DLG2: variants seen among roughly 807,000 people sequenced by gnomAD.
The protein encoded by DLG2 is discs large MAGUK scaffold protein 2, also known as disks large homolog 2.
In DLG2, 45 loss-of-function variants were observed where a neutral mutation model predicts 132.5. That is an observed-to-expected ratio of 0.34 (90% CI 0.27 to 0.44). The LOEUF (loss-of-function observed/expected upper bound fraction) is 0.44, where lower values mean the gene tolerates loss of function less well. DLG2 is among the 20% of genes least tolerant of loss of function. The pLI, the probability that DLG2 is intolerant of heterozygous loss-of-function variation, is 1.00. For missense variants in DLG2, 1,045 were observed against 1,196.9 expected (o/e 0.87, Z 1.87); for synonymous variants, 424 against 419.6 (o/e 1.01, Z -0.13).
chr11:85,042,752 T>C (rs957766141), intron 6 of DLG2, among the ~76,000 whole-genome samples: 1 of 151,946 alleles, frequency 6.6e-6, no homozygotes, highest in Non-Finnish European at 1.5e-5. Context: ...CCTTTCTGTA[T>C]ATAAAGGTTT....
intron 6 of DLG2, among the ~76,000 whole-genome samples, chr11:84,679,283 A>G (rs140259616): frequency 6.6e-6 from 1 of 152,078 alleles, no homozygotes; most frequent in South Asian, 2.1e-4. Flanking sequence ...ATATAATGAA[A>G]TATTTCACGT....
At chr11:84,949,864 A>C (rs937314379) in intron 6 of DLG2, among the ~76,000 whole-genome samples, 3 of 152,244 alleles carry the variant, frequency 2.0e-5, no homozygotes, top group Admixed American at 6.5e-5. Flanking sequence ...GATTAAATTA[A>C]AGACAGGCAT....
chr11:84,699,204 A>C (rs1337502175), intron 6 of DLG2, among the ~76,000 whole-genome samples: 1 of 151,592 alleles, frequency 6.6e-6, no homozygotes, highest in Non-Finnish European at 1.5e-5. Flanking sequence ...CATAAGGAAG[A>C]GTCAAAGAAA....
At chr11:84,591,430 G>A (rs946169125) in intron 6 of DLG2, among the ~76,000 whole-genome samples, 8 of 151,798 alleles carry the variant, frequency 5.3e-5, no homozygotes, top group Non-Finnish European at 1.0e-4. Context: ...ACTTTGGGAG[G>A]CAGAGGTGAG....
At chr11:83,784,774 T>C (rs1167662224) in intron 18 of DLG2, among the ~76,000 whole-genome samples, 1 of 152,354 alleles carries the variant, frequency 6.6e-6, no homozygotes, top group East Asian at 1.9e-4. Flanking sequence ...CAAGGTTATT[T>C]GAACACTTGA....
At chr11:84,609,095 A>G (rs1565445299) in intron 6 of DLG2, among the ~76,000 whole-genome samples, 1 of 152,122 alleles carries the variant, frequency 6.6e-6, no homozygotes, top group Admixed American at 6.6e-5. Flanking sequence ...AACACCTACC[A>G]TTTGGTTTCT....
intron 8 of DLG2, among the ~76,000 whole-genome samples, chr11:84,223,296 G>A (rs1303776936): frequency 6.6e-6 from 1 of 152,092 alleles, no homozygotes; most frequent in Admixed American, 6.6e-5. Context: ...ATAAGACATT[G>A]ATTGAGAGAG....
intron 3 of DLG2, among the ~76,000 whole-genome samples, chr11:85,558,545 G>GC (rs1437299012): frequency 2.0e-5 from 3 of 151,842 alleles, no homozygotes; most frequent in Non-Finnish European, 4.4e-5. Context: ...CAACATAGGT[G>GC]CCCATCAATA....
chr11:84,207,662 G>T (rs546109032), intron 8 of DLG2, among the ~76,000 whole-genome samples: 1 of 152,098 alleles, frequency 6.6e-6, no homozygotes, highest in African/African-American at 2.4e-5. Context: ...AAACCATTAT[G>T]TAATAGTTAA....
chr11:83,841,217 C>T (rs2057448877), intron 16 of DLG2, among the ~76,000 whole-genome samples: 2 of 152,218 alleles, frequency 1.3e-5, no homozygotes, highest in South Asian at 4.1e-4. Context: ...GTTCAGTCAA[C>T]ATCTGATGAT....
chr11:84,555,641 G>T (rs530493949), intron 6 of DLG2, among the ~76,000 whole-genome samples: 15 of 152,176 alleles, frequency 9.9e-5, no homozygotes, highest in Admixed American at 2.0e-4. Flanking sequence ...AAGTAAAATG[G>T]TAGTTATCAG....
chr11:83,785,071 T>TC (rs2094991656), intron 18 of DLG2, among the ~76,000 whole-genome samples: 1 of 152,176 alleles, frequency 6.6e-6, no homozygotes, highest in South Asian at 2.1e-4. Context: ...TATTTTTTTT[T>TC]TGAGATGGAG....
At chr11:85,458,546 G>A (rs952450290) in intron 3 of DLG2, among the ~76,000 whole-genome samples, 3 of 152,192 alleles carry the variant, frequency 2.0e-5, no homozygotes, top group African/African-American at 4.8e-5. Context: ...TTTTTCATCT[G>A]TGTTGGCTTG....
intron 16 of DLG2, among the ~76,000 whole-genome samples, chr11:83,850,809 G>A (rs2154029289): frequency 6.6e-6 from 1 of 152,268 alleles, no homozygotes; most frequent in South Asian, 2.1e-4. Flanking sequence ...CACATACAAA[G>A]CTATACAAGA....
chr11:83,460,745 C>T (rs949679008), intron 27 of DLG2, among the ~76,000 whole-genome samples: 1 of 152,144 alleles, frequency 6.6e-6, no homozygotes, highest in African/African-American at 2.4e-5. Flanking sequence ...TAAAAACAAT[C>T]CTCAGAATAT....
At chr11:84,703,657 A>G (rs1172250441) in intron 6 of DLG2, among the ~76,000 whole-genome samples, 4 of 151,258 alleles carry the variant, frequency 2.6e-5, no homozygotes, top group Non-Finnish European at 5.9e-5. Context: ...AAGAGAAAAA[A>G]CAAATTTTGG....
intron 3 of DLG2, among the ~76,000 whole-genome samples, chr11:85,596,778 C>A (rs1288292998): frequency 6.6e-6 from 1 of 152,208 alleles, no homozygotes; most frequent in Non-Finnish European, 1.5e-5. Flanking sequence ...ATGCACAAGT[C>A]TACATGGCTT....
intron 18 of DLG2, among the ~76,000 whole-genome samples, chr11:83,775,721 CT>C (rs11388016): frequency 0.01 from 1,437 of 143,514 alleles, 14 homozygotes; most frequent in South Asian, 0.03. Context: ...TGTCATTATT[CT>C]TTTTTTTTTT....
At chr11:85,482,306 A>C (rs1356438770) in intron 3 of DLG2, among the ~76,000 whole-genome samples, 1 of 152,002 alleles carries the variant, frequency 6.6e-6, no homozygotes, top group African/African-American at 2.4e-5. Context: ...ATCCCACCCC[A>C]ATGCCAGCTT....
Sources: gnomAD v4.1 joint callset for allele counts (sites outside exome capture counted in the v4.1 genomes callset) on GRCh38, gnomAD v4.1.1 for gene constraint, MANE v1.5 for transcripts, NCBI Gene and HGNC (gene_info 2026-07-23, HGNC 2026-07-21) for gene names.